The following MMP8 variants were observed in gnomAD, a reference collection of about 807,000 sequenced individuals.
MMP8 encodes neutrophil collagenase.
A neutral mutation model predicts 51.2 loss-of-function variants in MMP8; 67 were observed. The observed-to-expected ratio is 1.31, with a 90% CI of 1.08 to 1.60. The LOEUF is 1.60. MMP8 is among the 40% of genes most tolerant of loss of function. The pLI is 0.00. For synonymous variants in MMP8, 225 were observed against 191.0 expected (o/e 1.18, Z -1.47); for missense variants, 654 against 558.1 (o/e 1.17, Z -1.73).
chr11:102,723,034 C>G (rs904386626), intron 1 of MMP8: 7 of 1,293,764 alleles, frequency 5.4e-6, no homozygotes, highest in Non-Finnish European at 7.1e-6. Context: ...CAGTGCAGTT[C>G]CTCTTTTTTA....
At chr11:102,719,471 G>A (rs1384440342) in intron 4 of MMP8, among the ~76,000 whole-genome samples, 1 of 152,094 alleles carries the variant, frequency 6.6e-6, no homozygotes, top group Admixed American at 6.6e-5. Context: ...ACATTTTTCT[G>A]AAGTTTTATT....
intron 4 of MMP8, among the ~76,000 whole-genome samples, chr11:102,719,289 C>A (rs1184633274): frequency 2.0e-5 from 3 of 152,150 alleles, no homozygotes; most frequent in Non-Finnish European, 4.4e-5. Flanking sequence ...CCACTTGGCT[C>A]CAGCAGATAT....
intron 5 of MMP8, among the ~76,000 whole-genome samples, chr11:102,716,805 A>G (rs1056030195): frequency 1.3e-5 from 2 of 152,168 alleles, no homozygotes; most frequent in African/African-American, 4.8e-5. Flanking sequence ...AAAGAATGAT[A>G]TTAGTCTTTT....
At chr11:102,722,217 G>A (rs1181305159) in intron 2 of MMP8, among the ~76,000 whole-genome samples, 4 of 152,046 alleles carry the variant, frequency 2.6e-5, no homozygotes, top group African/African-American at 7.2e-5. Context: ...TTAGATTGTT[G>A]GAGAAGGAAG....
chr11:102,717,393 T>C (rs2134302284), intron 5 of MMP8, among the ~76,000 whole-genome samples: 1 of 152,298 alleles, frequency 6.6e-6, no homozygotes, highest in South Asian at 2.1e-4. Context: ...CCACTACCAT[T>C]CCCTTTCTTC....
chr11:102,718,916 A>G (rs757627731), intron 4 of MMP8, among the ~76,000 whole-genome samples: 2 of 152,174 alleles, frequency 1.3e-5, no homozygotes, highest in Admixed American at 1.3e-4. Context: ...CTTCTCTTGC[A>G]TTCCCACAAT....
intron 5 of MMP8, 100 bp from the exon 6 acceptor site, chr11:102,716,519 C>G: frequency 1.6e-6 from 1 of 634,386 alleles, no homozygotes; most frequent in African/African-American, 1.9e-5. Context: ...GGTGAAGGGT[C>G]TTCATGTGAA....
In MMP8 at chr11:102,717,374, C is replaced by T. The variant is rs147312452; in HGVS notation, c.785-955G>A. Among the ~76,000 whole-genome samples, 26 of 152,296 alleles carry T rather than the reference C, an allele frequency of 1.7e-4. No homozygotes were observed. The East Asian group carries it at 3.9e-3, about 23-fold the overall frequency. On this transcript the variant is annotated intron_variant, in intron 5 of 9. Transcript: ENST00000236826. ...GCCTTAAAAAAGTTTCTTTTTTTCT[C>T]TCCATACTCCACTACCATTCCCTTT...
chr11:102,718,520 AG>A lies in MMP8; in HGVS notation c.677del (p.Ala226ValfsTer9), dbSNP rs1861373034. ...AHEFGHSLGL[A>X]HSSDPGALMY... ...TCAAGGCACCAGGGTCAGAGGAGTG[AG>A]CGAGCCCCAAAGAATGGCCAAATTC... On this transcript the variant is annotated frameshift_variant, in exon 5 of 10. Coordinates refer to ENST00000236826, the MANE Select transcript of MMP8 (RefSeq NM_002424.3). LOFTEE classifies it high-confidence loss of function. 4 of 1,613,980 alleles carry A rather than the reference AG, an allele frequency of 2.5e-6. No homozygotes were observed. The South Asian group carries it at 4.4e-5, about 18-fold the overall frequency.
chr11:102,716,905 G>A (rs1157023732), intron 5 of MMP8, among the ~76,000 whole-genome samples: 3 of 152,126 alleles, frequency 2.0e-5, no homozygotes, highest in African/African-American at 7.2e-5. Context: ...TGGAATGAAA[G>A]GCTATAATAA....
At chr11:102,724,516 ACT>A (rs1329433531) in intron 1 of MMP8, among the ~76,000 whole-genome samples, 2 of 152,126 alleles carry the variant, frequency 1.3e-5, no homozygotes, top group African/African-American at 4.8e-5. Flanking sequence ...ACTAGGGGTA[ACT>A]CTACAGCAGT....
chr11:102,724,755 T>C lies in MMP8; in HGVS notation c.101A>G (p.Gln34Arg), dbSNP rs202051851. The C allele has an allele frequency of 1.9e-5, 31 of 1,590,904 alleles. No individual in the cohort carries two copies. The East Asian group carries it at 2.7e-4, about 14-fold the overall frequency. The change falls in exon 1 of 10, where the codon CAG (glutamine) becomes CGG (arginine). Residue 34 changes from glutamine to arginine, a missense_variant and splice_region_variant. Gln to Arg is a conservative substitution (Grantham distance 43). Coordinates refer to ENST00000236826, the MANE Select transcript of MMP8 (RefSeq NM_002424.3). The part of the protein sequence containing the change: ...SSKEKNTKTV[Q>R]DYLEKFYQLP... ...TCACCTAACTGATAGTTCATTTACC[T>C]GAACAGTTTTTGTATTTTTCTCTTT...
In MMP8 at chr11:102,713,850, T is replaced by C; in HGVS notation, c.1198A>G (p.Asn400Asp). ...CCTGGCTCCATGAATTGTCTTTGGT[T>C]ATCATATCTGGTAAAAACAAAATGT... ...FVNDQFWRYD[N>D]QRQFMEPGYP... Residue 400 changes from asparagine to aspartate, a missense_variant, in exon 9 of 10, where the codon AAC becomes GAC. Asn to Asp is a conservative substitution (Grantham distance 23). Transcript: ENST00000236826. 6.2e-7 allele frequency: 1 copy of C among 1,607,236 alleles called. No individual in the cohort carries two copies. The highest frequency in any genetic ancestry group is 8.5e-7 in the Non-Finnish European group (1 of 1,177,214).
At chr11:102,723,452 T>C (rs753174384) in intron 1 of MMP8, 2 of 445,996 alleles carry the variant, frequency 4.5e-6, no homozygotes, top group South Asian at 3.2e-5. Flanking sequence ...GGGTAACTTA[T>C]ACATAAAAGG....
chr11:102,718,833 T>C (rs1279358467), intron 4 of MMP8, among the ~76,000 whole-genome samples: 2 of 152,206 alleles, frequency 1.3e-5, no homozygotes, highest in African/African-American at 2.4e-5. Context: ...TTATTCCAAT[T>C]CTCACATTTT....
Position 102,716,420 on chromosome 11 carries a change from CT to C in MMP8, c.785-2del. 1 of 832,060 alleles carries C rather than the reference CT, an allele frequency of 1.2e-6. No homozygotes were observed. Among genetic ancestry groups the C allele is most frequent in the Non-Finnish European group, 1.7e-6 (1 of 592,252 alleles). The allele number at this position is 832,060 out of a possible 1,614,324, so 51.5% of individuals were successfully genotyped here. On this transcript the variant is annotated splice_acceptor_variant, in intron 5 of 9. Coordinates refer to ENST00000236826, the MANE Select transcript of MMP8 (RefSeq NM_002424.3). LOFTEE classifies it high-confidence loss of function. ...GGTTGGATAGGGTTGCTTGAAAGTCCTGGAAAAAAAAAAAAAAAAAAAAAAA... is the reference window on the plus strand; with the variant it reads ...GGTTGGATAGGGTTGCTTGAAAGTCCGGAAAAAAAAAAAAAAAAAAAAAAA...
chr11:102,721,146 G>A (rs1342858278), intron 4 of MMP8, among the ~76,000 whole-genome samples: 1 of 152,118 alleles, frequency 6.6e-6, no homozygotes, highest in African/African-American at 2.4e-5. Context: ...GGCAGGATTT[G>A]GCCGTAGTCT....
intron 4 of MMP8, 41 bp downstream of exon 4, chr11:102,721,360 A>G (rs1861464510): frequency 1.2e-6 from 2 of 1,610,760 alleles, no homozygotes; most frequent in Non-Finnish European, 1.7e-6. Flanking sequence ...GTAAAAGGTT[A>G]ATTCAGAAGC....
rs770239031 is a variant in MMP8, at chr11:102,713,810, A to G, written c.1238T>C (p.Ile413Thr). The change falls in exon 9 of 10, where the codon ATA becomes ACA. Residue 413 changes from isoleucine to threonine, a missense_variant. Coordinates refer to ENST00000236826, the MANE Select transcript of MMP8 (RefSeq NM_002424.3). ...CTCTATTCCTGGAAAGGCACCTGAT[A>G]TGCTTTTGGGATAACCTGGCTCCAT... is the stretch of plus-strand genomic sequence containing the variant. The part of the protein sequence containing the change: ...QFMEPGYPKS[I>T]SGAFPGIESK... The G allele has an allele frequency of 1.2e-6, 2 of 1,612,758 alleles. No homozygotes were observed. Among genetic ancestry groups the G allele is most frequent in the South Asian group, 2.2e-5 (2 of 90,722 alleles).
Sources: allele counts gnomAD v4.1 joint callset (sites outside exome capture counted in the v4.1 genomes callset), GRCh38; gene constraint gnomAD v4.1.1; transcripts MANE v1.5; gene names NCBI Gene and HGNC (gene_info 2026-07-23, HGNC 2026-07-21).